Variants in ARMH4 observed in about 807,000 individuals in gnomAD.
The protein encoded by ARMH4 is armadillo-like helical domain-containing protein 4.
In ARMH4, 49 loss-of-function variants were observed where a neutral mutation model predicts 61.9. That is an observed-to-expected ratio of 0.79 (90% CI 0.63 to 1.00). The LOEUF (loss-of-function observed/expected upper bound fraction) is 1.00. Among genes scored for constraint, ARMH4 ranks in the 50% least tolerant of loss-of-function variants. ARMH4 has a pLI of 0.00. For missense variants in ARMH4, 934 were observed against 930.0 expected (o/e 1.00, Z -0.06); for synonymous variants, 368 against 341.5 (o/e 1.08, Z -0.85).
intron 4 of ARMH4, chr14:58,101,568 T>C (rs375437731): frequency 7.2e-5 from 11 of 151,946 alleles, no homozygotes; most frequent in East Asian, 3.9e-4. Flanking sequence ...AATGAGGTAA[T>C]AGTCAATCCA....
intron 5 of ARMH4, among the ~76,000 whole-genome samples, chr14:58,026,736 G>T (rs958910490): frequency 5.3e-5 from 8 of 152,060 alleles, no homozygotes; most frequent in African/African-American, 1.9e-4. Flanking sequence ...CTCAATTTTA[G>T]GTAAGGTGAT....
rs955643129 is a variant in ARMH4, at chr14:58,129,567, T to C, written c.1831+1945A>G. Among the ~76,000 whole-genome samples the C allele has an allele frequency of 1.2e-4, 18 of 152,238 alleles. No homozygotes were observed. In the East Asian group the frequency reaches 2.7e-3, roughly 23 times the overall value. ...GGAAGAATTAAAATGTTTCACCCAG[T>C]CAAAGCTTCAAGCTGCACTTATATT... On this transcript the variant is annotated intron_variant, in intron 4 of 7. Transcript: ENST00000267485.
chr14:58,043,166 G>A lies in ARMH4; in HGVS notation c.2090-31016C>T, dbSNP rs192311089. Reference sequence around the variant, plus strand: ...GACACGACAAAAAAATAGAATTTTAGACCAATATCCCTGAAGAACATCGAT... The same window carrying A: ...GACACGACAAAAAAATAGAATTTTAAACCAATATCCCTGAAGAACATCGAT... On this transcript the variant is annotated intron_variant, in intron 5 of 7. Transcript: ENST00000267485. 1.4e-4 allele frequency among the ~76,000 whole-genome samples: 21 copies of A among 152,236 alleles called. No homozygotes were observed. The East Asian group carries it at 4.1e-3, about 29-fold the overall frequency.
At chr14:58,078,891 G>A (rs539720527) in intron 5 of ARMH4, among the ~76,000 whole-genome samples, 1 of 152,320 alleles carries the variant, frequency 6.6e-6, no homozygotes, top group South Asian at 2.1e-4. Flanking sequence ...TGAAACATAG[G>A]CATATGATAC....
At chr14:58,025,580 C>T (rs754366863) in intron 5 of ARMH4, among the ~76,000 whole-genome samples, 1 of 152,034 alleles carries the variant, frequency 6.6e-6, no homozygotes, top group East Asian at 1.9e-4. Context: ...AAATGGAGAC[C>T]AGCTCTTTTT....
intron 5 of ARMH4, among the ~76,000 whole-genome samples, chr14:58,045,406 G>T (rs952391920): frequency 6.6e-6 from 1 of 152,114 alleles, no homozygotes; most frequent in African/African-American, 2.4e-5. Context: ...GGTGGGAATT[G>T]AACAATGAGA....
In ARMH4 at chr14:58,011,232, TAC is replaced by T. The variant is rs531979491; in HGVS notation, c.2121+885_2121+886del. Among the ~76,000 whole-genome samples the T allele has an allele frequency of 8.0e-3, 1,216 of 152,320 alleles. 23 individuals are homozygous for T. Among genetic ancestry groups the T allele is most frequent in the African/African-American group, 0.027 (1,141 of 41,568 alleles). On this transcript the variant is annotated intron_variant, in intron 6 of 7. Transcript: ENST00000267485. ...AAGCAGAAATAGTAAGGAGAATTAA[TAC>T]AATTATATAAATTTATTTGCAATTG... is the stretch of plus-strand genomic sequence containing the variant.
At chr14:58,019,429 A>G (rs989336775) in intron 5 of ARMH4, among the ~76,000 whole-genome samples, 1 of 152,158 alleles carries the variant, frequency 6.6e-6, no homozygotes, top group Non-Finnish European at 1.5e-5. Flanking sequence ...TTTTTATAAA[A>G]AAGTAGTCAT....
At position 58,012,166 on chromosome 14, in the gene ARMH4, G is replaced by A. The variant is rs770992308; in HGVS notation, c.2090-16C>T. The A allele has an allele frequency of 2.8e-5, 37 of 1,342,436 alleles. No homozygotes were observed. The highest frequency in any genetic ancestry group is 3.8e-5 in the Non-Finnish European group (37 of 963,736). 83.2% of individuals were successfully genotyped at this position (1,342,436 alleles called of 1,614,324 possible). ...CAGCTTCTCACTAGGAAAAAAATAA[G>A]ATAATAAAATGAAATAACCATCTTT... On this transcript the variant is annotated splice_polypyrimidine_tract_variant and intron_variant, in intron 5 of 7. Transcript: ENST00000267485.
chr14:58,028,710 C>T (rs1012145165), intron 5 of ARMH4, among the ~76,000 whole-genome samples: 1 of 152,166 alleles, frequency 6.6e-6, no homozygotes, highest in Non-Finnish European at 1.5e-5. Context: ...GAGGCCAGTA[C>T]TCAGGCTTCA....
At chr14:58,101,874 A>G (rs970025328) in intron 4 of ARMH4, among the ~76,000 whole-genome samples, 4 of 152,228 alleles carry the variant, frequency 2.6e-5, no homozygotes, top group African/African-American at 4.8e-5. Context: ...CTCACAAAGA[A>G]GAAGTCTGTT....
chr14:58,139,950 C>T (rs1188150883), intron 1 of ARMH4, among the ~76,000 whole-genome samples: 2 of 152,122 alleles, frequency 1.3e-5, no homozygotes, highest in Non-Finnish European at 2.9e-5. Context: ...ACAGAACCCT[C>T]GTGAATGGGA....
chr14:58,065,692 G>C (rs1269356536), intron 5 of ARMH4, among the ~76,000 whole-genome samples: 1 of 152,232 alleles, frequency 6.6e-6, no homozygotes, highest in Non-Finnish European at 1.5e-5. Flanking sequence ...TTCCTCTTAG[G>C]TGTGGGCATG....
At chr14:58,049,327 A>G (rs1235726487) in intron 5 of ARMH4, among the ~76,000 whole-genome samples, 1 of 152,192 alleles carries the variant, frequency 6.6e-6, no homozygotes, top group Non-Finnish European at 1.5e-5. Flanking sequence ...TTTCTGAAGT[A>G]TAAAAAATGT....
intron 5 of ARMH4, among the ~76,000 whole-genome samples, chr14:58,087,462 A>G (rs553484082): frequency 1.3e-5 from 2 of 152,298 alleles, no homozygotes; most frequent in African/African-American, 4.8e-5. Context: ...GCGACACTCA[A>G]CTAACTCTAT....
Position 58,005,083 on chromosome 14 carries a change from G to A in ARMH4, c.2221C>T (p.Arg741Ter), listed in dbSNP as rs375790812. Residue 741 changes from arginine to a stop codon, truncating the protein, a stop_gained, in exon 7 of 8, where the codon CGA (arginine) becomes TGA (stop). Transcript: ENST00000267485. LOFTEE classifies it high-confidence loss of function. Reference sequence around the variant, plus strand: ...TGCCTTTTGAAGCCATTTCTCCTTCGGCGATTCATAACCTTAATGCTGTAG... The same window carrying A: ...TGCCTTTTGAAGCCATTTCTCCTTCAGCGATTCATAACCTTAATGCTGTAG... ...ALYSIKVMNR[R>*]RRNGFKRHKR... 6.7e-5 allele frequency: 108 copies of A among 1,613,662 alleles called. No individual in the cohort carries two copies. Among genetic ancestry groups the A allele is most frequent in the African/African-American group, 9.4e-5 (7 of 74,792 alleles).
At chr14:58,116,063 G>C (rs1341308707) in intron 4 of ARMH4, 1 of 152,082 alleles carries the variant, frequency 6.6e-6, no homozygotes, top group Non-Finnish European at 1.5e-5. Context: ...CCTAAAAGTT[G>C]AAAGAAAAAA....
intron 4 of ARMH4, among the ~76,000 whole-genome samples, chr14:58,111,946 G>GC (rs1886367124): frequency 6.6e-6 from 1 of 151,842 alleles, no homozygotes; most frequent in Non-Finnish European, 1.5e-5. Flanking sequence ...TTCTGCCTTC[G>GC]CCCCCCTAAA....
At chr14:58,084,855 G>T (rs763384889) in intron 5 of ARMH4, among the ~76,000 whole-genome samples, 2 of 152,212 alleles carry the variant, frequency 1.3e-5, no homozygotes, top group African/African-American at 4.8e-5. Flanking sequence ...AAATCATTCT[G>T]TGCAAGCAGA....
Sources: allele counts gnomAD v4.1 joint callset (sites outside exome capture counted in the v4.1 genomes callset), GRCh38; gene constraint gnomAD v4.1.1; transcripts MANE v1.5; gene names NCBI Gene and HGNC (gene_info 2026-07-23, HGNC 2026-07-21).